The following RFC3 variants were observed in gnomAD, a reference collection of about 807,000 sequenced individuals.
RFC3 encodes the protein A1 38 kDa subunit.
A neutral mutation model predicts 45.1 loss-of-function variants in RFC3; 41 were observed. The ratio of observed to expected loss-of-function variants is 0.91; its 90% CI spans 0.71 to 1.18. The LOEUF (loss-of-function observed/expected upper bound fraction) is 1.18. RFC3 is among the 50% of genes most tolerant of loss of function. RFC3 has a pLI of 0.00. For synonymous variants in RFC3, 149 were observed against 144.0 expected (o/e 1.03, Z -0.25); for missense variants, 423 against 428.1 (o/e 0.99, Z 0.10).
At chr13:33,891,823 T>G (rs911337116) in intron 8 of RFC3, among the ~76,000 whole-genome samples, 1 of 152,150 alleles carries the variant, frequency 6.6e-6, no homozygotes, top group Non-Finnish European at 1.5e-5. Context: ...ATATATATAT[T>G]TGCATCATAT....
At chr13:33,952,184 T>C (rs1030167657) in intron 8 of RFC3, among the ~76,000 whole-genome samples, 4 of 152,244 alleles carry the variant, frequency 2.6e-5, no homozygotes, top group Non-Finnish European at 5.9e-5. Flanking sequence ...GTCAATAGAC[T>C]TGAACACGTA....
At position 33,833,369 on chromosome 13, in the gene RFC3, TA is replaced by T. The variant is rs530123262; in HGVS notation, c.810-1769del. Among the ~76,000 whole-genome samples the T allele has an allele frequency of 6.1e-3, 910 of 148,324 alleles. 5 individuals carry two copies. The highest frequency in any genetic ancestry group is 9.0e-3 in the Non-Finnish European group (599 of 66,610). ...TGAGAAAAATATTAACTTTTTAGATTAAAAAAAAAACCCTGACATTTATGGA... is the reference window on the plus strand; with the variant it reads ...TGAGAAAAATATTAACTTTTTAGATTAAAAAAAAACCCTGACATTTATGGA... On this transcript the variant is annotated intron_variant, in intron 7 of 8. Coordinates refer to ENST00000380071, the MANE Select transcript of RFC3 (RefSeq NM_002915.4).
intron 8 of RFC3, among the ~76,000 whole-genome samples, chr13:33,877,636 TAC>T (rs2082457045): frequency 6.6e-6 from 1 of 151,280 alleles, no homozygotes; most frequent in Non-Finnish European, 1.5e-5. Context: ...ATTATGTTAT[TAC>T]ATAGTAGTTT....
intron 8 of RFC3, among the ~76,000 whole-genome samples, chr13:33,877,277 G>A (rs1349660514): frequency 6.6e-6 from 1 of 152,146 alleles, no homozygotes; most frequent in African/African-American, 2.4e-5. Context: ...TGTATTGACT[G>A]TTTCTTATAG....
chr13:33,916,964 A>T (rs557412255), intron 8 of RFC3, among the ~76,000 whole-genome samples: 1 of 152,288 alleles, frequency 6.6e-6, no homozygotes, highest in South Asian at 2.1e-4. Flanking sequence ...TGACTTTTTT[A>T]AAATTAAAGA....
At chr13:33,975,583 T>C in the RFC3 span, among the ~76,000 whole-genome samples, 3 of 152,166 alleles carry the variant, frequency 2.0e-5, no homozygotes, top group Non-Finnish European at 2.9e-5. Context: ...GAATATAGAA[T>C]GTGGCAAAAT....
chr13:33,829,217 T>C (rs2082078973), intron 4 of RFC3, among the ~76,000 whole-genome samples: 1 of 152,200 alleles, frequency 6.6e-6, no homozygotes, highest in African/African-American at 2.4e-5. Flanking sequence ...TTAAGGCTGA[T>C]CTGTGATTGT....
chr13:33,963,025 T>G (rs1013285153), intron 8 of RFC3, among the ~76,000 whole-genome samples: 6 of 152,084 alleles, frequency 3.9e-5, no homozygotes, highest in Non-Finnish European at 5.9e-5. Flanking sequence ...ATATATAAAT[T>G]TAAAATATTA....
chr13:33,821,273 AGCATTTCACTTTGAG>A lies in RFC3; in HGVS notation c.225+7_225+21del, dbSNP rs1566375691. On this transcript the variant is annotated splice_donor_5th_base_variant and intron_variant, in intron 2 of 8. Coordinates refer to ENST00000380071, the MANE Select transcript of RFC3 (RefSeq NM_002915.4). Reference sequence around the variant, plus strand: ...AATTGAACATCAGACCATCACAGTAAGCATTTCACTTTGAGGCCCTGAAAGTAATTTATAGCGGGG... The same window carrying A: ...AATTGAACATCAGACCATCACAGTAAGCCCTGAAAGTAATTTATAGCGGGG... The A allele has an allele frequency of 3.1e-6, 5 of 1,613,030 alleles. No homozygotes were observed. Among genetic ancestry groups the A allele is most frequent in the Non-Finnish European group, 4.2e-6 (5 of 1,179,204 alleles).
chr13:33,886,639 T>C (rs1209489047), intron 8 of RFC3, among the ~76,000 whole-genome samples: 1 of 151,348 alleles, frequency 6.6e-6, no homozygotes, highest in Non-Finnish European at 1.5e-5. Flanking sequence ...TTTTTCAATT[T>C]TATTATTATT....
At chr13:33,956,506 C>G (rs1181139878) in intron 8 of RFC3, among the ~76,000 whole-genome samples, 1 of 152,198 alleles carries the variant, frequency 6.6e-6, no homozygotes, top group East Asian at 1.9e-4. Flanking sequence ...GAAACATATG[C>G]TACAGGAGAT....
chr13:33,900,833 CAA>C (rs56329636), intron 8 of RFC3, among the ~76,000 whole-genome samples: 20,830 of 140,740 alleles, frequency 0.15, 1,817 homozygotes, highest in Admixed American at 0.23. Flanking sequence ...AACTGAATAG[CAA>C]AAAAAAAAAA....
chr13:33,849,344 T>C (rs1429587942), intron 8 of RFC3: 1 of 152,172 alleles, frequency 6.6e-6, no homozygotes, highest in Non-Finnish European at 1.5e-5. Flanking sequence ...ACTGGTATTC[T>C]GGTAAATGTT....
chr13:33,818,328 C>T (rs1468247510), intron 1 of RFC3, 63 bp downstream of exon 1: 2 of 1,379,578 alleles, frequency 1.4e-6, no homozygotes, highest in African/African-American at 1.4e-5. Context: ...GTTTCGCGCC[C>T]CCCTGAGGAG....
At chr13:33,917,258 G>C (rs1409897251) in intron 8 of RFC3, among the ~76,000 whole-genome samples, 1 of 152,134 alleles carries the variant, frequency 6.6e-6, no homozygotes, top group African/African-American at 2.4e-5. Flanking sequence ...AGTCCAGAGT[G>C]TCCTGGCTTC....
intron 2 of RFC3, among the ~76,000 whole-genome samples, chr13:33,822,655 TTATC>T (rs1172793786): frequency 6.6e-6 from 1 of 152,188 alleles, no homozygotes; most frequent in Non-Finnish European, 1.5e-5. Flanking sequence ...TCATAGCTAG[TTATC>T]TATCCAGAGA....
intron 8 of RFC3, among the ~76,000 whole-genome samples, chr13:33,912,578 G>C (rs144060586): frequency 1.3e-5 from 2 of 152,220 alleles, no homozygotes; most frequent in Admixed American, 6.5e-5. Flanking sequence ...AATCAGAAGA[G>C]AGGCAGTGTG....
chr13:33,903,734 T>C (rs1440203020), intron 8 of RFC3, among the ~76,000 whole-genome samples: 2 of 152,062 alleles, frequency 1.3e-5, no homozygotes, highest in Non-Finnish European at 2.9e-5. Context: ...GTTAGGTTTA[T>C]TTCATTATGT....
At chr13:33,919,229 T>C (rs550041163) in intron 8 of RFC3, among the ~76,000 whole-genome samples, 3 of 152,296 alleles carry the variant, frequency 2.0e-5, no homozygotes, top group South Asian at 4.1e-4. Flanking sequence ...TATCTTTTTG[T>C]ATTTCTAATT....
Sources: allele counts gnomAD v4.1 joint callset (sites outside exome capture counted in the v4.1 genomes callset), GRCh38; gene constraint gnomAD v4.1.1; transcripts MANE v1.5; gene names NCBI Gene and HGNC (gene_info 2026-07-23, HGNC 2026-07-21).